NAALADL2: variants seen among roughly 807,000 people sequenced by gnomAD.
NAALADL2 encodes inactive N-acetylated-alpha-linked acidic dipeptidase-like protein 2.
In NAALADL2, 76 loss-of-function variants were observed where a neutral mutation model predicts 87.2. The ratio of observed to expected loss-of-function variants is 0.87; its 90% CI spans 0.72 to 1.05. NAALADL2 has a LOEUF of 1.05. Ranked by LOEUF, NAALADL2 falls within the 50% of genes least tolerant of loss-of-function variation. The pLI, the probability that NAALADL2 is intolerant of heterozygous loss-of-function variation, is 0.00. For missense variants in NAALADL2, 1,089 were observed against 945.8 expected (o/e 1.15, Z -1.99); for synonymous variants, 354 against 331.0 (o/e 1.07, Z -0.75).
intron 11 of NAALADL2, among the ~76,000 whole-genome samples, chr3:175,706,358 G>A (rs1032902287): frequency 2.6e-5 from 4 of 151,990 alleles, no homozygotes; most frequent in African/African-American, 9.7e-5. Context: ...TATGGTAAAG[G>A]TCAATTTGTA....
At chr3:174,447,138 G>T (rs1416766381) in intron 1 of NAALADL2, among the ~76,000 whole-genome samples, 1 of 152,138 alleles carries the variant, frequency 6.6e-6, no homozygotes, top group Non-Finnish European at 1.5e-5. Flanking sequence ...GAGAGGCTCT[G>T]TTTACAGGAG....
intron 4 of NAALADL2, among the ~76,000 whole-genome samples, chr3:175,312,054 T>A (rs759783186): frequency 6.6e-6 from 1 of 152,102 alleles, no homozygotes; most frequent in Non-Finnish European, 1.5e-5. Flanking sequence ...GAAAAATGAG[T>A]ATATTTCTGA....
intron 9 of NAALADL2, among the ~76,000 whole-genome samples, chr3:175,549,863 T>C (rs1295293625): frequency 6.6e-6 from 1 of 151,974 alleles, no homozygotes; most frequent in Non-Finnish European, 1.5e-5. Flanking sequence ...ACTGACAAAA[T>C]ACAGATTAAC....
At chr3:175,149,893 C>T (rs981733107) in intron 2 of NAALADL2, among the ~76,000 whole-genome samples, 2 of 152,086 alleles carry the variant, frequency 1.3e-5, no homozygotes, top group Non-Finnish European at 2.9e-5. Flanking sequence ...CTCTTGGAAG[C>T]GGGCCAGGTT....
intron 1 of NAALADL2, among the ~76,000 whole-genome samples, chr3:174,443,314 A>G (rs1482114751): frequency 6.6e-6 from 1 of 152,176 alleles, no homozygotes; most frequent in African/African-American, 2.4e-5. Flanking sequence ...AGTAGTTCAT[A>G]TTCTGTATAT....
At chr3:175,511,452 G>C (rs1731140250) in intron 9 of NAALADL2, among the ~76,000 whole-genome samples, 5 of 152,178 alleles carry the variant, frequency 3.3e-5, no homozygotes, top group Admixed American at 2.6e-4. Context: ...ATGCACAAAG[G>C]AAGGGCCACG....
Position 174,521,246 on chromosome 3 carries a change from A to G in NAALADL2, c.-183-29323A>G, listed in dbSNP as rs1041409780. 5.3e-5 allele frequency among the ~76,000 whole-genome samples: 8 copies of G among 152,352 alleles called. No homozygotes were observed. In the East Asian group the frequency reaches 1.5e-3, roughly 29 times the overall value. ...CTATTCACGATAGCAAAGGCATGGA[A>G]TCAACCTAAGTGTCCATCAACAGTT... On this transcript the variant is annotated intron_variant, in intron 1 of 3. Coordinates refer to the NAALADL2 transcript ENST00000434257.
chr3:174,447,713 G>T (rs1426046963), intron 1 of NAALADL2, among the ~76,000 whole-genome samples: 1 of 152,058 alleles, frequency 6.6e-6, no homozygotes, highest in Non-Finnish European at 1.5e-5. Flanking sequence ...TACTCGGGAG[G>T]CTGAGGCAGG....
rs1040767270 is a variant in NAALADL2 at position 175,239,950 on chromosome 3, C to T, written c.819+5746C>T. On this transcript the variant is annotated intron_variant, in intron 3 of 13. Transcript: ENST00000454872. Reference sequence around the variant, plus strand: ...CTTATTGTCCTGTAAAAAGTCGACACATTTAAATGGGAGAAATTAAGAAAC... The same window carrying T: ...CTTATTGTCCTGTAAAAAGTCGACATATTTAAATGGGAGAAATTAAGAAAC... 7.2e-5 allele frequency among the ~76,000 whole-genome samples: 11 copies of T among 152,276 alleles called. No individual in the cohort carries two copies. In the South Asian group the frequency reaches 1.0e-3, roughly 14 times the overall value.
chr3:175,614,357 G>A (rs139668193), intron 10 of NAALADL2, among the ~76,000 whole-genome samples: 21 of 152,244 alleles, frequency 1.4e-4, no homozygotes, highest in African/African-American at 3.8e-4. Context: ...GGCCTGGCGT[G>A]CCAGAATCTC....
chr3:174,475,426 A>G (rs1717156754), intron 1 of NAALADL2, among the ~76,000 whole-genome samples: 1 of 150,130 alleles, frequency 6.7e-6, no homozygotes, highest in Non-Finnish European at 1.5e-5. Context: ...TGACCATAAA[A>G]ATAATGAGTT....
chr3:175,684,432 T>C (rs1735997500), intron 11 of NAALADL2, among the ~76,000 whole-genome samples: 1 of 152,204 alleles, frequency 6.6e-6, no homozygotes, highest in South Asian at 2.1e-4. Flanking sequence ...TCTCCAAAAG[T>C]AGATTATATA....
intron 11 of NAALADL2, among the ~76,000 whole-genome samples, chr3:175,698,341 G>A (rs183815643): frequency 9.7e-6 from 1 of 103,456 alleles, no homozygotes; most frequent in African/African-American, 6.0e-5. Flanking sequence ...GTGTATATAT[G>A]TATGTGTATT....
At chr3:175,011,263 G>GAGAGGGAGAGA (rs1560472148) in intron 1 of NAALADL2, among the ~76,000 whole-genome samples, 4 of 87,970 alleles carry the variant, frequency 4.5e-5, no homozygotes, top group African/African-American at 2.0e-4. Context: ...AGAGAGAGAG[G>GAGAGGGAGAGA]GAGAGAGACA....
chr3:174,702,191 T>C (rs1328233300), intron 2 of NAALADL2, among the ~76,000 whole-genome samples: 1 of 152,224 alleles, frequency 6.6e-6, no homozygotes, highest in African/African-American at 2.4e-5. Flanking sequence ...ATCTTTTTTA[T>C]GTGCTTATTT....
intron 3 of NAALADL2, among the ~76,000 whole-genome samples, chr3:174,789,576 A>G (rs1032751073): frequency 6.6e-6 from 1 of 152,212 alleles, no homozygotes; most frequent in Non-Finnish European, 1.5e-5. Context: ...GCTGAGGATC[A>G]ATTGATTTTA....
intron 2 of NAALADL2, among the ~76,000 whole-genome samples, chr3:175,110,910 G>C (rs527509607): frequency 6.6e-6 from 1 of 151,826 alleles, no homozygotes; most frequent in African/African-American, 2.4e-5. Flanking sequence ...AATTAAAGTT[G>C]TTTTTATTTT....
chr3:175,550,901 TG>T (rs1399306288), intron 9 of NAALADL2, among the ~76,000 whole-genome samples: 1 of 152,218 alleles, frequency 6.6e-6, no homozygotes, highest in Non-Finnish European at 1.5e-5. Context: ...TGCAAAGCAC[TG>T]GATTGATTTA....
At chr3:175,221,694 T>C (rs537754050) in intron 2 of NAALADL2, among the ~76,000 whole-genome samples, 1 of 152,228 alleles carries the variant, frequency 6.6e-6, no homozygotes, top group African/African-American at 2.4e-5. Flanking sequence ...ACACAATGGC[T>C]TCCAGTAGTA....
Sources: gnomAD v4.1 joint callset for allele counts (sites outside exome capture counted in the v4.1 genomes callset) on GRCh38, gnomAD v4.1.1 for gene constraint, MANE v1.5 for transcripts, NCBI Gene and HGNC (gene_info 2026-07-23, HGNC 2026-07-21) for gene names.